Variants in XPOT observed in about 807,000 individuals in gnomAD.
The protein encoded by XPOT is exportin for tRNA, also known as exportin-T.
Under a neutral mutation model 128.2 loss-of-function variants are expected in XPOT, and 34 were observed. The ratio of observed to expected loss-of-function variants is 0.27; its 90% CI spans 0.20 to 0.35. The LOEUF (loss-of-function observed/expected upper bound fraction) is 0.35. Ranked by LOEUF, XPOT falls within the 10% of genes least tolerant of loss-of-function variation. The pLI, the probability that XPOT is intolerant of heterozygous loss-of-function variation, is 1.00. For synonymous variants in XPOT, 348 were observed against 394.3 expected (o/e 0.88, Z 1.39); for missense variants, 838 against 1,125.3 (o/e 0.74, Z 3.65).
At position 64,420,091 on chromosome 12, in the gene XPOT, A is replaced by T; in HGVS notation, c.511A>T (p.Ile171Leu). Residue 171 changes from isoleucine (I) to leucine (L), a missense_variant, in exon 7 of 25, where the codon ATA becomes TTA. Ile to Leu is a conservative substitution (Grantham distance 5, BLOSUM62 2). Coordinates refer to ENST00000332707, the MANE Select transcript of XPOT (RefSeq NM_007235.6). The stretch of plus-strand genomic sequence containing the variant: ...TTAGGAGGCTCGTAGGAATACTCTC[A>T]TAAAAGATACCATGAGGGAACAGTG... ...TSEEARRNTLIKDTMREQCIP... is the reference protein window; with the variant it reads ...TSEEARRNTLLKDTMREQCIP... The T allele has an allele frequency of 6.3e-7, 1 of 1,584,148 alleles. No homozygotes were observed. Among genetic ancestry groups the T allele is most frequent in the South Asian group, 1.2e-5 (1 of 84,856 alleles).
rs1251237773 is a variant in XPOT at position 64,431,750 on chromosome 12, T to A, written c.2189T>A (p.Met730Lys). ...LPFIPSASEHMLKDCEAKDLQ... is the reference protein window; with the variant it reads ...LPFIPSASEHKLKDCEAKDLQ... ...TTCATTCCATCTGCTTCAGAACATA[T>A]GCTCAAAGATTGTGAAGCAAAAGAT... is the stretch of plus-strand genomic sequence containing the variant. Residue 730 changes from methionine (M) to lysine (K), a missense_variant, in exon 18 of 25, where the codon ATG becomes AAG. This residue lies in a region of XPOT where 761 missense variants were observed against 988.3 expected (regional missense o/e 0.77). Transcript: ENST00000332707. 2 of 1,614,166 alleles carry A rather than the reference T, an allele frequency of 1.2e-6. No homozygotes were observed. Among genetic ancestry groups the A allele is most frequent in the South Asian group, 2.2e-5 (2 of 91,084 alleles).
chr12:64,415,853 T>A (rs1331791833), intron 3 of XPOT, among the ~76,000 whole-genome samples: 1 of 152,186 alleles, frequency 6.6e-6, no homozygotes, highest in Non-Finnish European at 1.5e-5. Context: ...GTACAATGAG[T>A]GACGATCCAT....
chr12:64,409,979 T>C lies in XPOT; in HGVS notation c.-57T>C. ...TGTGGCAGATGTTTATAAATTCTTC[T>C]GTGGGATCAGAGGGCACGCCTATTA... On this transcript the variant is annotated 5_prime_UTR_variant, in exon 2 of 25. Coordinates refer to ENST00000332707, the MANE Select transcript of XPOT (RefSeq NM_007235.6). 1 of 1,432,340 alleles carries C rather than the reference T, an allele frequency of 7.0e-7. No individual in the cohort carries two copies. The highest frequency in any genetic ancestry group is 1.8e-5 in the Admixed American group (1 of 56,832). 88.7% of individuals were successfully genotyped at this position (1,432,340 alleles called of 1,614,324 possible).
chr12:64,429,507 G>C (rs1308797215), intron 16 of XPOT, among the ~76,000 whole-genome samples: 1 of 150,946 alleles, frequency 6.6e-6, no homozygotes, highest in East Asian at 1.9e-4. Flanking sequence ...GCAGTGGCAT[G>C]GTCTTGACTC....
chr12:64,416,549 A>G (rs1404163667), intron 3 of XPOT, 149 bp from the exon 4 acceptor site: 3 of 571,790 alleles, frequency 5.2e-6, no homozygotes, highest in Non-Finnish European at 6.2e-6. Context: ...ATGGATTTTA[A>G]TGTCATAAAA....
chr12:64,427,008 T>TA (rs960939240), intron 15 of XPOT, among the ~76,000 whole-genome samples: 6 of 146,186 alleles, frequency 4.1e-5, no homozygotes, highest in Non-Finnish European at 6.0e-5. Flanking sequence ...AAGATGGAAA[T>TA]AAAAAAAAAG....
At position 64,424,590 on chromosome 12, in the gene XPOT, GT is replaced by G; in HGVS notation, c.1183-8del. 6.2e-7 allele frequency: 1 copy of G among 1,611,678 alleles called. No homozygotes were observed. Among genetic ancestry groups the G allele is most frequent in the Non-Finnish European group, 8.5e-7 (1 of 1,179,756 alleles). On this transcript the variant is annotated splice_polypyrimidine_tract_variant and splice_region_variant and intron_variant, in intron 11 of 24. Coordinates refer to ENST00000332707, the MANE Select transcript of XPOT (RefSeq NM_007235.6). ...GTTTTTTGAATGAGGATTTTAACCT[GT>G]ATCATAGGGTGAAGATGAAGCCATG...
intron 18 of XPOT, 40 bp from the exon 19 acceptor site, chr12:64,433,374 A>G (rs1249988067): frequency 1.8e-5 from 27 of 1,491,554 alleles, no homozygotes; most frequent in Non-Finnish European, 2.4e-5. Flanking sequence ...GTATGTTAAT[A>G]TTGTTACTAA....
intron 17 of XPOT, among the ~76,000 whole-genome samples, chr12:64,430,864 T>A (rs2040232716): frequency 6.6e-6 from 1 of 152,230 alleles, no homozygotes; most frequent in Non-Finnish European, 1.5e-5. Flanking sequence ...GGTTACCTAG[T>A]ACAGGCCTAG....
Position 64,416,719 on chromosome 12 carries a change from C to T in XPOT, c.165C>T (p.Phe55=). The change falls in exon 4 of 25, where the codon TTC becomes TTT. Residue 55 remains phenylalanine (F), a synonymous_variant. Coordinates refer to ENST00000332707, the MANE Select transcript of XPOT (RefSeq NM_007235.6). ...TCAGTGATGATCATGTGAAGTTTTT[C>T]TGCTTTCAAGTACTGGAACATCAAG... ...RTYSDDHVKF[F]CFQVLEHQVK... is the part of the protein sequence containing the mutation. 6.2e-7 allele frequency: 1 copy of T among 1,612,546 alleles called. No individual in the cohort carries two copies. Among genetic ancestry groups the T allele is most frequent in the Non-Finnish European group, 8.5e-7 (1 of 1,179,190 alleles).
intron 4 of XPOT, among the ~76,000 whole-genome samples, chr12:64,417,153 G>A (rs887283507): frequency 5.3e-5 from 8 of 152,182 alleles, no homozygotes; most frequent in Non-Finnish European, 1.0e-4. Context: ...GGAGGCGGAG[G>A]TTGCAGTGAG....
rs370033010 is a variant in XPOT, at chr12:64,410,029, A to C, written c.-7A>C. On this transcript the variant is annotated 5_prime_UTR_variant, in exon 2 of 25. Coordinates refer to ENST00000332707, the MANE Select transcript of XPOT (RefSeq NM_007235.6). ...ACAACCAGAAAACTACAAGTATAAC[A>C]GCGAGGATGGATGAACAGGCTCTAT... The C allele has an allele frequency of 1.2e-4, 190 of 1,613,564 alleles. No individual in the cohort carries two copies. The highest frequency in any genetic ancestry group is 1.6e-4 in the Non-Finnish European group (183 of 1,179,832).
In XPOT at chr12:64,417,606, A is replaced by T. The variant is rs532757823; in HGVS notation, c.201-440A>T. On this transcript the variant is annotated intron_variant, in intron 4 of 24. Coordinates refer to ENST00000332707, the MANE Select transcript of XPOT (RefSeq NM_007235.6). ...TTCCAGCTTTTCTGGAAAAGTCAGA[A>T]TATCTGGTAACACCAGGCCTGTTTT... 1.7e-3 allele frequency among the ~76,000 whole-genome samples: 256 copies of T among 152,324 alleles called. 2 individuals are homozygous for T. Among genetic ancestry groups the T allele is most frequent in the African/African-American group, 5.8e-3 (243 of 41,568 alleles).
chr12:64,425,974 AT>A (rs2040189052), intron 15 of XPOT, 65 bp downstream of exon 15: 1 of 1,449,146 alleles, frequency 6.9e-7, no homozygotes, highest in Non-Finnish European at 9.7e-7. Context: ...ATGTAAAACA[AT>A]AGTAAAGACA....
rs371103922 is a variant in XPOT at position 64,425,012 on chromosome 12, C to T, written c.1308-26C>T. The T allele has an allele frequency of 1.9e-6, 3 of 1,610,834 alleles. No individual in the cohort carries two copies. The Admixed American group carries it at 5.0e-5, about 27-fold the overall frequency. On this transcript the variant is annotated intron_variant, in intron 12 of 24. Coordinates refer to ENST00000332707, the MANE Select transcript of XPOT (RefSeq NM_007235.6). ...CTGTATGAAAAATTTATCTTTAAATCTCACTGACATATTATACCTTGGTAG... is the reference window on the plus strand; with the variant it reads ...CTGTATGAAAAATTTATCTTTAAATTTCACTGACATATTATACCTTGGTAG...
At chr12:64,439,586 G>A (rs1037062541) in intron 23 of XPOT, among the ~76,000 whole-genome samples, 7 of 151,968 alleles carry the variant, frequency 4.6e-5, no homozygotes, top group South Asian at 2.1e-4. Context: ...GGCTTCTATC[G>A]TAATCCCATG....
Position 64,420,245 on chromosome 12 carries a change from C to T in XPOT, c.665C>T (p.Ala222Val). 6.3e-7 allele frequency: 1 copy of T among 1,595,436 alleles called. No individual in the cohort carries two copies. Among genetic ancestry groups the T allele is most frequent in the Non-Finnish European group, 8.5e-7 (1 of 1,173,372 alleles). ...YVSWIDLSLI[A>V]NDRFINMLLG... is the part of the protein sequence containing the mutation. ...TCTTGGATAGACTTATCCCTTATAG[C>T]CAATGATAGGTAAGTATGCCTATTA... The change falls in exon 7 of 25, where the codon GCC becomes GTC. Residue 222 changes from alanine to valine, a missense_variant. Transcript: ENST00000332707.
chr12:64,428,202 T>TA (rs56063305), intron 16 of XPOT, 82 bp downstream of exon 16: 9,262 of 763,580 alleles, frequency 0.012, no homozygotes, highest in East Asian at 0.017. Context: ...TGTTGGCATT[T>TA]AAAAAAAAAA....
At chr12:64,446,986 A>C (rs1489019240) in intron 24 of XPOT, among the ~76,000 whole-genome samples, 1 of 152,188 alleles carries the variant, frequency 6.6e-6, no homozygotes, top group East Asian at 1.9e-4. Context: ...ACAGTTCCAC[A>C]TGGCAGGGGA....
Sources: gnomAD v4.1 joint callset for allele counts (sites outside exome capture counted in the v4.1 genomes callset) on GRCh38, gnomAD v4.1.1 for gene constraint, gnomAD v4.1.1 regional missense constraint, MANE v1.5 for transcripts, NCBI Gene and HGNC (gene_info 2026-07-23, HGNC 2026-07-21) for gene names.